PCSK5: variants seen among roughly 807,000 people sequenced by gnomAD.
The protein encoded by PCSK5 is proprotein convertase subtilisin/kexin type 5.
PCSK5 carries 129 observed loss-of-function variants against 233.2 expected under a neutral mutation model. The observed-to-expected ratio is 0.55, with a 90% CI of 0.48 to 0.64. The LOEUF (loss-of-function observed/expected upper bound fraction) is 0.64. PCSK5 is among the 30% of genes least tolerant of loss of function. The probability of loss-of-function intolerance (pLI) is 0.00; values close to 1 mark genes in which losing one functional copy is unlikely to be tolerated. For synonymous variants in PCSK5, 825 were observed against 879.2 expected (o/e 0.94, Z 1.09); for missense variants, 2,076 against 2,430.1 (o/e 0.85, Z 3.06).
chr9:76,028,280 A>C (rs1389968477), intron 5 of PCSK5, among the ~76,000 whole-genome samples: 1 of 152,202 alleles, frequency 6.6e-6, no homozygotes, highest in Non-Finnish European at 1.5e-5. Flanking sequence ...CCTGCTGCCT[A>C]GACAGAGCCA....
At chr9:76,296,029 T>C (rs1047039132) in intron 26 of PCSK5, among the ~76,000 whole-genome samples, 1 of 152,224 alleles carries the variant, frequency 6.6e-6, no homozygotes, top group Non-Finnish European at 1.5e-5. Flanking sequence ...TATTCGATGC[T>C]CTTAACCCTC....
At chr9:76,030,354 G>T (rs916415223) in intron 5 of PCSK5, among the ~76,000 whole-genome samples, 1 of 151,986 alleles carries the variant, frequency 6.6e-6, no homozygotes, top group Non-Finnish European at 1.5e-5. Context: ...TTTTATAGCT[G>T]ATTATAAAAC....
chr9:76,064,156 C>T (rs1427903757), intron 5 of PCSK5, among the ~76,000 whole-genome samples: 3 of 128,888 alleles, frequency 2.3e-5, no homozygotes, highest in Non-Finnish European at 4.8e-5. Context: ...ACCTCCCTCC[C>T]GGACGGGGCG....
intron 2 of PCSK5, among the ~76,000 whole-genome samples, chr9:75,956,163 T>C (rs1825086364): frequency 6.6e-6 from 1 of 152,238 alleles, no homozygotes; most frequent in Admixed American, 6.5e-5. Flanking sequence ...ATCAAGTCTA[T>C]TGGAATTGCC....
intron 3 of PCSK5, among the ~76,000 whole-genome samples, chr9:76,004,351 G>A (rs968811018): frequency 2.6e-5 from 4 of 152,012 alleles, no homozygotes; most frequent in African/African-American, 9.7e-5. Context: ...CTGTCAGGTG[G>A]TATAATGTCA....
chr9:76,176,586 A>G (rs189707212), intron 14 of PCSK5, among the ~76,000 whole-genome samples: 10 of 152,322 alleles, frequency 6.6e-5, no homozygotes, highest in Admixed American at 1.3e-4. Context: ...GCAACATACA[A>G]TCTTTCCATT....
At chr9:76,176,228 C>T (rs1823609356) in intron 14 of PCSK5, among the ~76,000 whole-genome samples, 1 of 152,118 alleles carries the variant, frequency 6.6e-6, no homozygotes, top group Admixed American at 6.5e-5. Context: ...TAGTTATTTT[C>T]CAAACAGACT....
intron 20 of PCSK5, chr9:76,193,111 C>T: frequency 1.4e-6 from 1 of 734,722 alleles, no homozygotes; most frequent in Non-Finnish European, 2.1e-6. Flanking sequence ...CTGTTGACTA[C>T]TCCTGAATGA....
At chr9:76,235,680 C>A (rs1024411004) in intron 22 of PCSK5, among the ~76,000 whole-genome samples, 1 of 152,098 alleles carries the variant, frequency 6.6e-6, no homozygotes, top group African/African-American at 2.4e-5. Flanking sequence ...AGATGAAGAC[C>A]AAATGCATGG....
chr9:76,190,121 A>T (rs1328566946), intron 20 of PCSK5, among the ~76,000 whole-genome samples: 1 of 152,194 alleles, frequency 6.6e-6, no homozygotes, highest in Non-Finnish European at 1.5e-5. Context: ...CACTAGAGGA[A>T]TACATTTGTT....
intron 2 of PCSK5, among the ~76,000 whole-genome samples, chr9:75,937,051 C>CT (rs1824087045): frequency 6.6e-6 from 1 of 151,966 alleles, no homozygotes; most frequent in South Asian, 2.1e-4. Context: ...TGAAAGGAAC[C>CT]TTTTTTTAGT....
intron 1 of PCSK5, among the ~76,000 whole-genome samples, chr9:75,920,835 C>T: frequency 6.6e-6 from 1 of 151,826 alleles, no homozygotes; most frequent in South Asian, 2.1e-4. Context: ...AATAAAAAAA[C>T]AAATAAAAAA....
At chr9:76,311,259 A>C (rs1828858356) in intron 30 of PCSK5, among the ~76,000 whole-genome samples, 1 of 152,000 alleles carries the variant, frequency 6.6e-6, no homozygotes, top group African/African-American at 2.4e-5. Context: ...TGGGAGGCTA[A>C]GGTGGGAGGA....
In PCSK5 at chr9:76,217,728, G is replaced by A. The variant is rs138870568; in HGVS notation, c.2627-9775G>A. 4.6e-5 allele frequency among the ~76,000 whole-genome samples: 7 copies of A among 152,280 alleles called. No individual in the cohort carries two copies. The East Asian group carries it at 1.4e-3, about 29-fold the overall frequency. Reference sequence around the variant, plus strand: ...AGAGGAATCTCAAAAAGGAGAAAGAGCCATCCTCTCTACTGTGGAACCAGT... The same window carrying A: ...AGAGGAATCTCAAAAAGGAGAAAGAACCATCCTCTCTACTGTGGAACCAGT... On this transcript the variant is annotated intron_variant, in intron 20 of 37. Transcript: ENST00000674117.
chr9:75,942,663 G>A (rs191776394), intron 2 of PCSK5, among the ~76,000 whole-genome samples: 5 of 152,208 alleles, frequency 3.3e-5, no homozygotes, highest in African/African-American at 1.2e-4. Context: ...ACCTATGACT[G>A]CCCTGGGAGA....
At position 76,272,047 on chromosome 9, in the gene PCSK5, G is replaced by C. The variant is rs945633639; in HGVS notation, c.3143-20186G>C. On this transcript the variant is annotated intron_variant, in intron 24 of 37. Coordinates refer to ENST00000674117, the MANE Select transcript of PCSK5 (RefSeq NM_001372043.1). ...CAAAGACCCTATTGCCAAGTACATAGAGTATTTGAATATGTACTATGTACT... is the reference window on the plus strand; with the variant it reads ...CAAAGACCCTATTGCCAAGTACATACAGTATTTGAATATGTACTATGTACT... Among the ~76,000 whole-genome samples the C allele has an allele frequency of 3.3e-5, 5 of 152,154 alleles. No homozygotes were observed. The East Asian group carries it at 7.7e-4, about 23-fold the overall frequency.
At chr9:76,285,565 C>A (rs202131618) in intron 24 of PCSK5, among the ~76,000 whole-genome samples, 1 of 152,064 alleles carries the variant, frequency 6.6e-6, no homozygotes, top group East Asian at 1.9e-4. Context: ...GGGGGGGAGT[C>A]TGGCTTGCAT....
In PCSK5 at chr9:76,231,831, G is replaced by A. The variant is rs138367773; in HGVS notation, c.2730-1629G>A. ...GACAGCCAGATGTGTGTGAGTGTCT[G>A]TTTAGGACTGGGACTCATACTCTGC... On this transcript the variant is annotated intron_variant, in intron 21 of 37. Transcript: ENST00000674117. Among the ~76,000 whole-genome samples, 29 of 152,274 alleles carry A rather than the reference G, an allele frequency of 1.9e-4. No individual in the cohort carries two copies. In the East Asian group the frequency reaches 5.6e-3, roughly 29 times the overall value.
chr9:75,928,596 C>CGT (rs1356414993), intron 1 of PCSK5, among the ~76,000 whole-genome samples: 1 of 68,398 alleles, frequency 1.5e-5, no homozygotes, highest in Non-Finnish European at 2.9e-5. Flanking sequence ...CATATAAATA[C>CGT]ATATATATAT....
Sources: allele counts gnomAD v4.1 joint callset (sites outside exome capture counted in the v4.1 genomes callset), GRCh38; gene constraint gnomAD v4.1.1; transcripts MANE v1.5; gene names NCBI Gene and HGNC (gene_info 2026-07-23, HGNC 2026-07-21).